Variants in ZC3H11A observed in about 807,000 individuals in gnomAD.
The protein encoded by ZC3H11A is zinc finger CCCH domain-containing protein 11A.
A neutral mutation model predicts 90.8 loss-of-function variants in ZC3H11A; 22 were observed. The ratio of observed to expected loss-of-function variants is 0.24; its 90% CI spans 0.17 to 0.35. The LOEUF is 0.35. Ranked by LOEUF, ZC3H11A falls within the 10% of genes least tolerant of loss-of-function variation. The probability of loss-of-function intolerance (pLI) is 1.00; values close to 1 mark genes in which losing one functional copy is unlikely to be tolerated. For synonymous variants in ZC3H11A, 294 were observed against 339.8 expected (o/e 0.87, Z 1.48); for missense variants, 701 against 964.9 (o/e 0.73, Z 3.62).
intron 1 of ZC3H11A, chr1:203,799,070 C>T: frequency 1.3e-6 from 2 of 1,536,124 alleles, no homozygotes; most frequent in Non-Finnish European, 1.7e-6. Flanking sequence ...ATGGCAGGAT[C>T]CCCGATTTTA....
intron 2 of ZC3H11A, among the ~76,000 whole-genome samples, chr1:203,804,837 T>C (rs1017650693): frequency 4.6e-5 from 7 of 152,022 alleles, no homozygotes; most frequent in East Asian, 1.9e-4. Context: ...CATGCCCGGC[T>C]GATTTTTGTA....
intron 2 of ZC3H11A, chr1:203,805,963 T>A (rs1672187227): frequency 1.6e-6 from 1 of 611,928 alleles, no homozygotes. Context: ...AACCGTGGTC[T>A]TGGTATCCTT....
chr1:203,831,936 A>G (rs527301725), intron 9 of ZC3H11A, among the ~76,000 whole-genome samples, 165 bp downstream of exon 9: 1 of 152,372 alleles, frequency 6.6e-6, no homozygotes, highest in Non-Finnish European at 1.5e-5. Context: ...TCTAATATTT[A>G]AAAGGTTGAA....
intron 4 of ZC3H11A, among the ~76,000 whole-genome samples, chr1:203,823,190 T>C (rs1006204100): frequency 6.6e-6 from 1 of 152,202 alleles, no homozygotes; most frequent in African/African-American, 2.4e-5. Context: ...CTCTAGGATG[T>C]ATTCAGAGTT....
intron 1 of ZC3H11A, chr1:203,799,433 G>T: frequency 2.8e-6 from 2 of 703,062 alleles, no homozygotes; most frequent in Middle Eastern, 2.3e-4. Flanking sequence ...AACTTCCATG[G>T]AAGAATTTGA....
Position 203,838,044 on chromosome 1 carries a change from T to A in ZC3H11A, c.953T>A (p.Ile318Asn), listed in dbSNP as rs554169257. The stretch of plus-strand genomic sequence containing the variant: ...AAAGTTGAAGCTCCAGAAACTAACA[T>A]TGACAAAACACCAAAGAAAGGTACC... ...GKKVEAPETN[I>N]DKTPKKAQVS... The change falls in exon 11 of 18, where the codon ATT becomes AAT. Residue 318 changes from isoleucine to asparagine, a missense_variant. By Grantham distance (149) the Ile-to-Asn change is moderately radical. Coordinates refer to ENST00000367210, the MANE Select transcript of ZC3H11A (RefSeq NM_001376342.1). 6.2e-7 allele frequency: 1 copy of A among 1,614,072 alleles called. No individual in the cohort carries two copies. Among genetic ancestry groups the A allele is most frequent in the Non-Finnish European group, 8.5e-7 (1 of 1,180,018 alleles).
chr1:203,800,681 A>G (rs1168029888), intron 1 of ZC3H11A: 6 of 404,332 alleles, frequency 1.5e-5, no homozygotes, highest in Non-Finnish European at 2.6e-5. Context: ...AATTTTGCTT[A>G]TACCAATGAG....
rs79113294 is a variant in ZC3H11A, at chr1:203,820,768, C to T, written c.174+2079C>T. Among the ~76,000 whole-genome samples the T allele has an allele frequency of 1.8e-3, 279 of 152,232 alleles. 7 individuals carry two copies. The East Asian group carries it at 0.042, about 23-fold the overall frequency. ...GTGCTGAGATTACAGGTGTGAGCCACGCCCGGCGAATGGTATTTTTGTTGC... is the reference window on the plus strand; with the variant it reads ...GTGCTGAGATTACAGGTGTGAGCCATGCCCGGCGAATGGTATTTTTGTTGC... On this transcript the variant is annotated intron_variant, in intron 4 of 17. Transcript: ENST00000367210.
At chr1:203,834,281 T>C (rs914994851) in intron 10 of ZC3H11A, among the ~76,000 whole-genome samples, 1 of 152,176 alleles carries the variant, frequency 6.6e-6, no homozygotes, top group African/African-American at 2.4e-5. Flanking sequence ...TATTTATTTA[T>C]TTATTTAGAG....
At chr1:203,808,529 C>A (rs1056545460) in intron 2 of ZC3H11A, among the ~76,000 whole-genome samples, 11 of 152,146 alleles carry the variant, frequency 7.2e-5, no homozygotes, top group Admixed American at 3.3e-4. Context: ...CTTTCATAAT[C>A]TCTACAAATT....
chr1:203,837,290 CA>C (rs11372939), intron 10 of ZC3H11A, among the ~76,000 whole-genome samples: 49 of 141,380 alleles, frequency 3.5e-4, no homozygotes, highest in Non-Finnish European at 3.2e-4. Flanking sequence ...GATCCTGTCT[CA>C]AAAAAAAAAA....
chr1:203,800,249 C>T, intron 1 of ZC3H11A: 1 of 1,175,728 alleles, frequency 8.5e-7, no homozygotes, highest in Non-Finnish European at 1.2e-6. Flanking sequence ...TAAGTTGCCC[C>T]ATGTGTAGTT....
chr1:203,811,161 A>G (rs988771565), intron 2 of ZC3H11A, among the ~76,000 whole-genome samples: 2 of 146,402 alleles, frequency 1.4e-5, no homozygotes, highest in African/African-American at 5.1e-5. Flanking sequence ...AAAAAAAAAA[A>G]GCCAAGTGTG....
At chr1:203,822,436 C>T (rs777109569) in intron 4 of ZC3H11A, among the ~76,000 whole-genome samples, 3 of 151,984 alleles carry the variant, frequency 2.0e-5, no homozygotes, top group African/African-American at 4.8e-5. Context: ...TGACCCCCAA[C>T]ACGATCCCTA....
Position 203,799,169 on chromosome 1 carries a change from G to A in ZC3H11A, c.-1587-2406G>A, listed in dbSNP as rs774043096. 5 of 1,394,778 alleles carry A rather than the reference G, an allele frequency of 3.6e-6. No homozygotes were observed. The South Asian group carries it at 6.2e-5, about 17-fold the overall frequency. The allele number at this position is 1,394,778 out of a possible 1,614,324, so 86.4% of individuals were successfully genotyped here. The stretch of plus-strand genomic sequence containing the variant: ...AAGAATTAAATGACCAGATTGGTCT[G>A]TGGCTTTCTCCAAATTTCCTTATCC... On this transcript the variant is annotated intron_variant, in intron 1 of 17. Transcript: ENST00000367210.
chr1:203,834,158 G>C, intron 10 of ZC3H11A: 5 of 860,158 alleles, frequency 5.8e-6, no homozygotes, highest in South Asian at 5.3e-5. Flanking sequence ...TTAGAGGCGA[G>C]AAAAATGATT....
At chr1:203,835,845 T>C (rs1684148538) in intron 10 of ZC3H11A, 1 of 241,062 alleles carries the variant, frequency 4.1e-6, no homozygotes, top group Admixed American at 4.4e-5. Flanking sequence ...AGCTATGTGC[T>C]CCCTTTTTTT....
intron 2 of ZC3H11A, among the ~76,000 whole-genome samples, chr1:203,806,831 T>TC (rs1491161718): frequency 5.3e-4 from 1 of 1,870 alleles, no homozygotes; most frequent in African/African-American, 1.6e-3. Context: ...CTCAGGTTCC[T>TC]TTTTTTTTTT....
chr1:203,839,638 C>G (rs1269203535), intron 11 of ZC3H11A, among the ~76,000 whole-genome samples: 1 of 151,982 alleles, frequency 6.6e-6, no homozygotes, highest in African/African-American at 2.4e-5. Context: ...TGTGTATTGA[C>G]CATGTTGAAG....
Sources: allele counts gnomAD v4.1 joint callset (sites outside exome capture counted in the v4.1 genomes callset), GRCh38; gene constraint gnomAD v4.1.1; transcripts MANE v1.5; gene names NCBI Gene and HGNC (gene_info 2026-07-23, HGNC 2026-07-21).